MESD: variants seen among roughly 807,000 people sequenced by gnomAD.
The protein encoded by MESD is LRP chaperone MESD.
A neutral mutation model predicts 12.9 loss-of-function variants in MESD; 7 were observed. The ratio of observed to expected loss-of-function variants is 0.54; its 90% CI spans 0.31 to 1.02. The LOEUF is 1.02. MESD is among the 50% of genes least tolerant of loss of function. MESD has a pLI of 0.05. For missense variants in MESD, 342 were observed against 296.7 expected (o/e 1.15, Z -1.12); for synonymous variants, 126 against 115.6 (o/e 1.09, Z -0.58).
intron 3 of MESD, among the ~76,000 whole-genome samples, chr15:80,963,638 A>T (rs1017864093): frequency 6.6e-6 from 1 of 152,248 alleles, no homozygotes; most frequent in African/African-American, 2.4e-5. Context: ...TCCACGATCA[A>T]GTCGGCTTCA....
intron 4 of MESD, chr15:80,948,970 ACT>A: frequency 6.2e-7 from 1 of 1,612,652 alleles, no homozygotes; most frequent in Non-Finnish European, 8.5e-7. Context: ...TATGACGGTG[ACT>A]CTTGGCAGCA....
At chr15:80,968,759 G>A (rs535937017) in intron 3 of MESD, among the ~76,000 whole-genome samples, 3 of 152,344 alleles carry the variant, frequency 2.0e-5, no homozygotes, top group African/African-American at 7.2e-5. Flanking sequence ...TACAGGCTTA[G>A]ATGAGTGAGG....
intron 3 of MESD, among the ~76,000 whole-genome samples, chr15:80,968,587 G>A (rs1250483282): frequency 6.6e-6 from 1 of 152,134 alleles, no homozygotes; most frequent in African/African-American, 2.4e-5. Context: ...TGGGAGGATC[G>A]CTTGAGCTCA....
At chr15:80,975,001 T>TA (rs1902373883), downstream of MESD, among the ~76,000 whole-genome samples, 1 of 150,794 alleles carries the variant, frequency 6.6e-6, no homozygotes, top group Non-Finnish European at 1.5e-5. Flanking sequence ...AAATCAAATT[T>TA]AAAAAAAGAA....
In MESD at chr15:80,961,860, C is replaced by G. The variant is rs193219023; in HGVS notation, c.*289-9564G>C. ...AGGAAGCATTAAACATGGAAAGGAA[C>G]AACCTGTACCAGCCACTGCAAAAAC... On this transcript the variant is annotated intron_variant, in intron 3 of 4. Coordinates refer to the MESD transcript ENST00000561312. 7.3e-3 allele frequency among the ~76,000 whole-genome samples: 1,110 copies of G among 152,322 alleles called. 15 individuals are homozygous for G. Among genetic ancestry groups the G allele is most frequent in the African/African-American group, 0.026 (1,061 of 41,576 alleles).
chr15:80,957,842 C>CATGA (rs1217206659), intron 3 of MESD, among the ~76,000 whole-genome samples: 1 of 152,144 alleles, frequency 6.6e-6, no homozygotes, highest in African/African-American at 2.4e-5. Flanking sequence ...TTGTTCTATT[C>CATGA]AGGCCTTCCA....
rs1893246577 is a variant in MESD at position 80,989,723 on chromosome 15, C to T, written c.69G>A (p.Leu23=). The T allele has an allele frequency of 1.3e-6, 2 of 1,597,018 alleles. No homozygotes were observed. Among genetic ancestry groups the T allele is most frequent in the Non-Finnish European group, 8.5e-7 (1 of 1,173,158 alleles). Residue 23 remains leucine (L), a synonymous_variant, in exon 1 of 3, where the codon CTG becomes CTA. Transcript: ENST00000261758. The part of the protein sequence containing the change: ...LLCASDLLLL[L]LLLPPPGSCA... ...AGGACCCAGGCGGTGGTAGCAGTAG[C>T]AGCAGCAGCAGCAGGTCAGAGGCAC... is the stretch of plus-strand genomic sequence containing the variant.
At chr15:80,953,144 C>A (rs1901884626) in intron 3 of MESD, 4 of 453,064 alleles carry the variant, frequency 8.8e-6, no homozygotes, top group South Asian at 4.7e-5. Flanking sequence ...TAAATCAAGG[C>A]TCAGTCATGA....
At chr15:80,964,950 C>A (rs1902149235) in intron 3 of MESD, among the ~76,000 whole-genome samples, 1 of 152,160 alleles carries the variant, frequency 6.6e-6, no homozygotes, top group South Asian at 2.1e-4. Flanking sequence ...CCAAAATTGA[C>A]AAATGGGATC....
chr15:80,967,859 A>C (rs77519341), intron 3 of MESD, among the ~76,000 whole-genome samples: 8,924 of 152,304 alleles, frequency 0.059, 338 homozygotes, highest in Middle Eastern at 0.18. Context: ...TAAAATTGCA[A>C]GTTGGGCTGC....
chr15:80,959,906 T>C (rs1476635025), intron 3 of MESD, among the ~76,000 whole-genome samples: 1 of 152,188 alleles, frequency 6.6e-6, no homozygotes, highest in Non-Finnish European at 1.5e-5. Context: ...GTTCGTAGTA[T>C]TTGTTGATGC....
At chr15:80,980,781 A>G (rs1289140508) in intron 2 of MESD, among the ~76,000 whole-genome samples, 2 of 152,012 alleles carry the variant, frequency 1.3e-5, no homozygotes, top group Non-Finnish European at 2.9e-5. Flanking sequence ...TCAAAAAATA[A>G]AAACAAAAAC....
downstream of MESD, among the ~76,000 whole-genome samples, chr15:80,972,721 A>C (rs1249983563): frequency 1.3e-5 from 2 of 152,220 alleles, no homozygotes; most frequent in East Asian, 3.8e-4. Context: ...ACCAGGCAGC[A>C]ATATAAAAAC....
chr15:80,955,640 A>C (rs572806360), intron 3 of MESD, among the ~76,000 whole-genome samples: 2 of 129,492 alleles, frequency 1.5e-5, no homozygotes, highest in African/African-American at 6.0e-5. Context: ...TGTGTGTGTG[A>C]GAGAGACAGA....
chr15:80,954,375 T>C (rs1442843635), intron 3 of MESD, among the ~76,000 whole-genome samples: 1 of 152,216 alleles, frequency 6.6e-6, no homozygotes, highest in Non-Finnish European at 1.5e-5. Flanking sequence ...AGCGCAACCC[T>C]CCTGCCTCCA....
At chr15:80,972,435 C>T (rs1204890434), downstream of MESD, among the ~76,000 whole-genome samples, 2 of 152,132 alleles carry the variant, frequency 1.3e-5, no homozygotes, top group Non-Finnish European at 2.9e-5. Flanking sequence ...GGTCAGATGC[C>T]CACCTCTGGT....
chr15:80,969,621 G>A (rs961300810), intron 3 of MESD, among the ~76,000 whole-genome samples: 3 of 152,114 alleles, frequency 2.0e-5, no homozygotes, highest in African/African-American at 4.8e-5. Context: ...TTGGGAGGTC[G>A]AGGCAGGCGG....
intron 3 of MESD, among the ~76,000 whole-genome samples, chr15:80,961,465 G>C (rs1902087121): frequency 6.6e-6 from 1 of 152,068 alleles, no homozygotes; most frequent in African/African-American, 2.4e-5. Context: ...ATATTAAAAA[G>C]AACTATAAAA....
At chr15:80,957,155 C>T (rs1196712344) in intron 3 of MESD, among the ~76,000 whole-genome samples, 1 of 151,968 alleles carries the variant, frequency 6.6e-6, no homozygotes, top group Non-Finnish European at 1.5e-5. Context: ...AGGAAATTGT[C>T]TCATGTTGTT....
Sources: gnomAD v4.1 joint callset for allele counts (sites outside exome capture counted in the v4.1 genomes callset) on GRCh38, gnomAD v4.1.1 for gene constraint, MANE v1.5 for transcripts, NCBI Gene and HGNC (gene_info 2026-07-23, HGNC 2026-07-21) for gene names.